Variants in SETD9 observed in about 807,000 individuals in gnomAD.
The protein encoded by SETD9 is SET domain containing 9.
Under a neutral mutation model 36.4 loss-of-function variants are expected in SETD9, and 37 were observed. The observed-to-expected ratio is 1.02, with a 90% CI of 0.78 to 1.34. The LOEUF is 1.34. Ranked by LOEUF, SETD9 falls within the 40% of genes most tolerant of loss-of-function variation. The pLI is 0.00. For missense variants in SETD9, 323 were observed against 353.2 expected (o/e 0.91, Z 0.69); for synonymous variants, 128 against 132.9 (o/e 0.96, Z 0.26).
At chr5:56,928,574 G>C, downstream of SETD9, 1 of 438,332 alleles carries the variant, frequency 2.3e-6, no homozygotes, top group Non-Finnish European at 4.1e-6. Flanking sequence ...GAAAAGATAT[G>C]TGAATATACT....
At chr5:56,918,456 C>T (rs1445743497), downstream of SETD9, among the ~76,000 whole-genome samples, 1 of 151,992 alleles carries the variant, frequency 6.6e-6, no homozygotes, top group Non-Finnish European at 1.5e-5. Context: ...GCTCAAAAAG[C>T]GTACCATAGA....
downstream of SETD9, chr5:56,921,387 ATTAT>A (rs1270996509): frequency 6.6e-6 from 1 of 152,462 alleles, no homozygotes; most frequent in African/African-American, 2.4e-5. Flanking sequence ...CAGGCTACCC[ATTAT>A]TTACTGTGTG....
intron 5 of SETD9, chr5:56,923,606 G>GT: frequency 6.2e-7 from 1 of 1,611,386 alleles, no homozygotes; most frequent in Non-Finnish European, 8.5e-7. Flanking sequence ...ATGGAAAATT[G>GT]TTTAAGTAAG....
rs1343417361 is a variant in SETD9 at position 56,923,428 on chromosome 5, A to C, written c.813-1905A>C. ...ATCCAGTCTCAAATAAATTAAAACAATCACTTTCCCCATTGCTGGGCAGGG... is the reference window on the plus strand; with the variant it reads ...ATCCAGTCTCAAATAAATTAAAACACTCACTTTCCCCATTGCTGGGCAGGG... On this transcript the variant is annotated intron_variant, in intron 5 of 5. Transcript: ENST00000628593. 1.2e-6 allele frequency: 2 copies of C among 1,614,196 alleles called. No individual in the cohort carries two copies. Among genetic ancestry groups the C allele is most frequent in the Non-Finnish European group, 1.7e-6 (2 of 1,180,034 alleles).
At chr5:56,909,794 C>G in intron 1 of SETD9, 51 bp downstream of exon 1, 1 of 1,537,010 alleles carries the variant, frequency 6.5e-7, no homozygotes, top group Non-Finnish European at 8.9e-7. Context: ...GGTTCCCAGA[C>G]GCCACCACGG....
intron 3 of SETD9, 51 bp from the exon 4 acceptor site, chr5:56,913,823 G>A (rs929259213): frequency 1.8e-6 from 2 of 1,117,836 alleles, no homozygotes. Flanking sequence ...TGTATTTTAG[G>A]ATTCTATTTT....
chr5:56,917,925 T>C (rs975897670), downstream of SETD9, among the ~76,000 whole-genome samples: 1 of 152,214 alleles, frequency 6.6e-6, no homozygotes, highest in Non-Finnish European at 1.5e-5. Flanking sequence ...ATGGAACCTA[T>C]ATGACCAGAT....
intron 5 of SETD9, chr5:56,922,897 A>ACCACAGAGTTCAATCTTAGTTC (rs1749740775): frequency 1.9e-6 from 1 of 519,916 alleles, no homozygotes; most frequent in Admixed American, 3.2e-5. Flanking sequence ...TTAAAGCTGC[A>ACCACAGAGTTCAATCTTAGTTC]CCACAGAGTT....
At chr5:56,923,474 A>G (rs752861730) in intron 5 of SETD9, 1 of 1,614,198 alleles carries the variant, frequency 6.2e-7, no homozygotes, top group Non-Finnish European at 8.5e-7. Flanking sequence ...TTCTGTTACA[A>G]CAGGCACATG....
Position 56,923,196 on chromosome 5 carries a change from C to A in SETD9, c.813-2137C>A. 1 of 1,614,010 alleles carries A rather than the reference C, an allele frequency of 6.2e-7. No individual in the cohort carries two copies. Among genetic ancestry groups the A allele is most frequent in the Non-Finnish European group, 8.5e-7 (1 of 1,179,998 alleles). ...CTGATGAAACCATTGGTCTCGTTGG[C>A]AGAGAGACTGCCAAAGTCAGCCACA... On this transcript the variant is annotated intron_variant, in intron 5 of 5. Transcript: ENST00000628593.
chr5:56,909,982 G>T, intron 1 of SETD9: 2 of 1,302,778 alleles, frequency 1.5e-6, no homozygotes, highest in South Asian at 3.2e-5. Context: ...AGGCCCGCTG[G>T]AAGCCTGAAG....
rs192830461 is a variant in SETD9, at chr5:56,914,186, A to G, written c.706+197A>G. On this transcript the variant is annotated intron_variant, in intron 4 of 5. Transcript: ENST00000285947. ...TGATATACATTATTTAGAATTGTTT[A>G]ATTTACTATTTTTCTTCTGATTTTG... Among the ~76,000 whole-genome samples, 191 of 152,314 alleles carry G rather than the reference A, an allele frequency of 1.3e-3. 1 individual carries two copies. Among genetic ancestry groups the G allele is most frequent in the African/African-American group, 4.2e-3 (173 of 41,564 alleles).
chr5:56,920,393 C>T (rs1471732656), downstream of SETD9: 1 of 152,476 alleles, frequency 6.6e-6, no homozygotes, highest in African/African-American at 2.4e-5. Context: ...TCAGCCAACA[C>T]TGCAACTGCT....
chr5:56,910,489 C>G, intron 1 of SETD9: 1 of 1,059,486 alleles, frequency 9.4e-7, no homozygotes, highest in Non-Finnish European at 1.2e-6. Context: ...AGTCAGTGTC[C>G]GACAAATAGG....
intron 1 of SETD9, chr5:56,910,037 G>T (rs756742467): frequency 1.1e-5 from 15 of 1,332,766 alleles, no homozygotes; most frequent in African/African-American, 1.5e-5. Context: ...CTCTTTCCCA[G>T]TGTCCGCTGC....
Position 56,911,901 on chromosome 5 carries a change from C to A in SETD9, c.466+365C>A, listed in dbSNP as rs769881879. Among the ~76,000 whole-genome samples the A allele has an allele frequency of 4.1e-4, 63 of 152,136 alleles. 1 individual carries two copies. The highest frequency in any genetic ancestry group is 1.3e-4 in the Non-Finnish European group (9 of 68,020). ...AAAAATGGTATGGATAGGCTCACGC[C>A]GGTAATCCCAGCACTTTGGGAGGCC... On this transcript the variant is annotated intron_variant, in intron 2 of 5. Transcript: ENST00000285947.
At position 56,917,024 on chromosome 5, in the gene SETD9, TTTC is replaced by T. The variant is rs1285377373; in HGVS notation, c.*125_*127del. On this transcript the variant is annotated 3_prime_UTR_variant, in exon 6 of 6. Transcript: ENST00000285947. The stretch of plus-strand genomic sequence containing the variant: ...TTTTGAGACTTAATTGGAATAGGAA[TTTC>T]TTATGTTTTTGTTGATATTATATTT... 2.8e-5 allele frequency: 38 copies of T among 1,352,784 alleles called. No homozygotes were observed. The highest frequency in any genetic ancestry group is 4.0e-5 in the Admixed American group (1 of 25,060). The allele number at this position is 1,352,784 out of a possible 1,614,324, so 83.8% of individuals were successfully genotyped here.
Position 56,911,515 on chromosome 5 carries a change from G to T in SETD9, c.445G>T (p.Ala149Ser). The T allele has an allele frequency of 6.3e-7, 1 of 1,577,430 alleles. No individual in the cohort carries two copies. Among genetic ancestry groups the T allele is most frequent in the Non-Finnish European group, 8.6e-7 (1 of 1,165,834 alleles). The part of the protein sequence containing the change: ...FVTKGLVPKG[A>S]VVSMYPGTVY... Reference sequence around the variant, plus strand: ...TACTAAAGGATTGGTACCAAAAGGCGCAGTCGTATCTATGTATCCTGGTAA... The same window carrying T: ...TACTAAAGGATTGGTACCAAAAGGCTCAGTCGTATCTATGTATCCTGGTAA... The change falls in exon 2 of 6, where the codon GCA becomes TCA. Residue 149 changes from alanine (A) to serine (S), a missense_variant. Ala to Ser is a moderately conservative substitution (Grantham distance 99). Transcript: ENST00000285947.
intron 1 of SETD9, chr5:56,910,177 G>A: frequency 8.1e-7 from 1 of 1,237,056 alleles, no homozygotes; most frequent in Non-Finnish European, 1.0e-6. Flanking sequence ...TGCCCTTACC[G>A]CGTGAGAGTG....
Sources: allele counts gnomAD v4.1 joint callset (sites outside exome capture counted in the v4.1 genomes callset), GRCh38; gene constraint gnomAD v4.1.1; transcripts MANE v1.5; gene names NCBI Gene and HGNC (gene_info 2026-07-23, HGNC 2026-07-21).